The following FAM161A variants were observed in gnomAD, a reference collection of about 807,000 sequenced individuals.
FAM161A encodes the protein protein FAM161A.
In FAM161A, 57 loss-of-function variants were observed where a neutral mutation model predicts 70.9. That is an observed-to-expected ratio of 0.80 (90% CI 0.65 to 1.00). The LOEUF is 1.00. Among genes scored for constraint, FAM161A ranks in the 50% least tolerant of loss-of-function variants. The pLI is 0.00. For synonymous variants in FAM161A, 299 were observed against 295.7 expected (o/e 1.01, Z -0.12); for missense variants, 880 against 836.0 (o/e 1.05, Z -0.65).
At chr2:61,817,660 AC>A in the FAM161A span, among the ~76,000 whole-genome samples, 2 of 152,154 alleles carry the variant, frequency 1.3e-5, no homozygotes, top group Admixed American at 1.3e-4. Context: ...TGTTAAACCA[AC>A]ATTTTCAAAA....
intron 1 of FAM161A, among the ~76,000 whole-genome samples, chr2:61,848,898 ATATATATATT>A (rs1673346176): frequency 4.2e-4 from 1 of 2,368 alleles, no homozygotes; most frequent in African/African-American, 1.1e-3. Context: ...ATATATATTT[ATATATATATT>A]TATATATTTA....
the FAM161A span, among the ~76,000 whole-genome samples, chr2:61,806,462 C>A: frequency 6.6e-6 from 1 of 152,046 alleles, no homozygotes; most frequent in African/African-American, 2.4e-5. Flanking sequence ...ATTTTAAACA[C>A]CTAGAGAAGG....
rs1672312820 is a variant in FAM161A, at chr2:61,825,350, T to C, written c.*1105A>G. 6.6e-6 allele frequency: 3 copies of C among 454,116 alleles called. No individual in the cohort carries two copies. Among genetic ancestry groups the C allele is most frequent in the South Asian group, 4.7e-5 (3 of 64,488 alleles). The allele number at this position is 454,116 out of a possible 1,614,324, so 28.1% of individuals were successfully genotyped here. On this transcript the variant is annotated 3_prime_UTR_variant, in exon 7 of 7. Transcript: ENST00000404929. ...GTGAAGAGTTAAATCTGAATTACTT[T>C]GGAGACTTGCCCTAGCCAAGTTATT...
At chr2:61,834,455 A>G (rs1672697317) in intron 5 of FAM161A, among the ~76,000 whole-genome samples, 1 of 151,382 alleles carries the variant, frequency 6.6e-6, no homozygotes. Flanking sequence ...CCCAGCTCAC[A>G]CAATATACCC....
Position 61,825,669 on chromosome 2 carries a change from G to A in FAM161A, c.*786C>T, listed in dbSNP as rs764374792. On this transcript the variant is annotated 3_prime_UTR_variant, in exon 7 of 7. Coordinates refer to ENST00000404929, the MANE Select transcript of FAM161A (RefSeq NM_001201543.2). The stretch of plus-strand genomic sequence containing the variant: ...TTTTTTTTTTTGGAGACGGAGTCTC[G>A]CTCTGTTGCCCAAGCTGGAGTGCAG... 4.3e-5 allele frequency: 18 copies of A among 420,780 alleles called. No individual in the cohort carries two copies. Among genetic ancestry groups the A allele is most frequent in the South Asian group, 2.3e-4 (13 of 57,616 alleles). The allele number at this position is 420,780 out of a possible 1,614,324, so 26.1% of individuals were successfully genotyped here. A position where few individuals can be genotyped will look rare whatever the true frequency, so the allele number is the denominator to read the frequency against.
At chr2:61,806,229 AAAAG>A in the FAM161A span, among the ~76,000 whole-genome samples, 3 of 152,190 alleles carry the variant, frequency 2.0e-5, no homozygotes, top group East Asian at 3.8e-4. Context: ...GTCTCAAAAA[AAAAG>A]AAAGAAAGAA....
the FAM161A span, among the ~76,000 whole-genome samples, chr2:61,818,487 A>G: frequency 2.6e-5 from 4 of 152,210 alleles, no homozygotes; most frequent in Admixed American, 1.3e-4. Context: ...GAAAGTAAGA[A>G]AGTGCACAAA....
At position 61,836,165 on chromosome 2, in the gene FAM161A, T is replaced by C. The variant is rs1182537205; in HGVS notation, c.1752-56A>G. ...AAAGATCATCTAAGAAATAAGAACTTACATATGTAACATTTAACTTATCAA... is the reference window on the plus strand; with the variant it reads ...AAAGATCATCTAAGAAATAAGAACTCACATATGTAACATTTAACTTATCAA... On this transcript the variant is annotated intron_variant, in intron 4 of 6. Coordinates refer to ENST00000404929, the MANE Select transcript of FAM161A (RefSeq NM_001201543.2). 6.7e-6 allele frequency: 8 copies of C among 1,201,384 alleles called. No homozygotes were observed. The Admixed American group carries it at 9.2e-5, about 14-fold the overall frequency. 74.4% of individuals were successfully genotyped at this position (1,201,384 alleles called of 1,614,324 possible).
chr2:61,816,691 G>A, the FAM161A span, among the ~76,000 whole-genome samples: 1 of 152,064 alleles, frequency 6.6e-6, no homozygotes, highest in Non-Finnish European at 1.5e-5. Context: ...GGCTGGTCTC[G>A]AACTCCTGGA....
rs1435732952 is a variant in FAM161A at position 61,854,018 on chromosome 2, C to A, written c.24G>T (p.Ala8=). 6.2e-7 allele frequency: 1 copy of A among 1,611,788 alleles called. No homozygotes were observed. Among genetic ancestry groups the A allele is most frequent in the South Asian group, 1.1e-5 (1 of 90,798 alleles). MATSHRV[A]KLVASSLQTP... is the part of the protein sequence containing the mutation. Reference sequence around the variant, plus strand: ...TCTGGAGACTGGAGGCCACCAGCTTCGCCACTCGGTGGGAGGTGGCCATCG... The same window carrying A: ...TCTGGAGACTGGAGGCCACCAGCTTAGCCACTCGGTGGGAGGTGGCCATCG... Residue 8 remains alanine, a synonymous_variant, in exon 1 of 7, where the codon GCG becomes GCT. Transcript: ENST00000404929.
In FAM161A at chr2:61,832,708, C is replaced by A. The variant is rs998421635; in HGVS notation, c.1851+3302G>T. Among the ~76,000 whole-genome samples the A allele has an allele frequency of 2.0e-5, 3 of 152,184 alleles. No individual in the cohort carries two copies. The East Asian group carries it at 5.8e-4, about 29-fold the overall frequency. ...ATTTTCATAGGAGGGTGACCCCTATCGTGAAGTGCTCATGCCAGGGATCTA... is the reference window on the plus strand; with the variant it reads ...ATTTTCATAGGAGGGTGACCCCTATAGTGAAGTGCTCATGCCAGGGATCTA... On this transcript the variant is annotated intron_variant, in intron 5 of 6. Coordinates refer to ENST00000404929, the MANE Select transcript of FAM161A (RefSeq NM_001201543.2).
At chr2:61,802,957 T>C in the FAM161A span, among the ~76,000 whole-genome samples, 1 of 152,174 alleles carries the variant, frequency 6.6e-6, no homozygotes, top group Non-Finnish European at 1.5e-5. Flanking sequence ...AAGGTAATAG[T>C]AGCTTAAAAC....
intron 1 of FAM161A, 137 bp from the exon 2 acceptor site, chr2:61,842,497 G>A: frequency 1.6e-6 from 1 of 615,720 alleles, no homozygotes; most frequent in South Asian, 2.1e-5. Flanking sequence ...CATATAGAAT[G>A]AGTTATAGGT....
chr2:61,823,595 A>C (rs1450220961), downstream of FAM161A, among the ~76,000 whole-genome samples: 1 of 151,680 alleles, frequency 6.6e-6, no homozygotes, highest in Non-Finnish European at 1.5e-5. Context: ...TGAACTCCTG[A>C]CCTCAAGTGA....
chr2:61,807,831 T>C, the FAM161A span, among the ~76,000 whole-genome samples: 1 of 151,944 alleles, frequency 6.6e-6, no homozygotes, highest in East Asian at 1.9e-4. Flanking sequence ...GGTAGAGACA[T>C]GGTCTCACTA....
intron 6 of FAM161A, 147 bp from the exon 7 acceptor site, chr2:61,826,746 G>T (rs1572857249): frequency 1.7e-6 from 1 of 600,210 alleles, no homozygotes; most frequent in African/African-American, 2.0e-5. Flanking sequence ...AAAAAAAGAA[G>T]AAAACGCTAT....
the FAM161A span, among the ~76,000 whole-genome samples, chr2:61,802,124 T>C: frequency 6.6e-6 from 1 of 152,216 alleles, no homozygotes; most frequent in South Asian, 2.1e-4. Flanking sequence ...CTGTTTGTTA[T>C]AGCACATTCC....
chr2:61,839,211 A>C (rs1335803128), intron 3 of FAM161A, among the ~76,000 whole-genome samples: 1 of 151,966 alleles, frequency 6.6e-6, no homozygotes, highest in Non-Finnish European at 1.5e-5. Context: ...TAAGACTATT[A>C]TTTTCTAATC....
the FAM161A span, among the ~76,000 whole-genome samples, chr2:61,809,516 A>G: frequency 3.3e-5 from 5 of 152,256 alleles, no homozygotes; most frequent in Admixed American, 6.5e-5. Context: ...TAGCATGTCT[A>G]TGGAAGAGCT....
Sources: allele counts gnomAD v4.1 joint callset (sites outside exome capture counted in the v4.1 genomes callset), GRCh38; gene constraint gnomAD v4.1.1; transcripts MANE v1.5; gene names NCBI Gene and HGNC (gene_info 2026-07-23, HGNC 2026-07-21).